The following KCNIP4 variants were observed in gnomAD, a reference collection of about 807,000 sequenced individuals.
KCNIP4 encodes the protein Kv channel-interacting protein 4.
A neutral mutation model predicts 34.0 loss-of-function variants in KCNIP4; 12 were observed. The ratio of observed to expected loss-of-function variants is 0.35; its 90% confidence interval spans 0.23 to 0.57. The LOEUF (loss-of-function observed/expected upper bound fraction) is 0.57. Among genes scored for constraint, KCNIP4 ranks in the 20% least tolerant of loss-of-function variants. The pLI is 0.83. For synonymous variants in KCNIP4, 124 were observed against 102.2 expected (o/e 1.21, Z -1.29); for missense variants, 238 against 311.7 (o/e 0.76, Z 1.78).
chr4:21,466,825 C>T (rs932619094), intron 1 of KCNIP4, among the ~76,000 whole-genome samples: 9 of 151,970 alleles, frequency 5.9e-5, no homozygotes, highest in African/African-American at 1.9e-4. Flanking sequence ...ACCCTACAAT[C>T]GCAGTACCCC....
At chr4:21,799,961 T>C (rs1178074847) in intron 1 of KCNIP4, among the ~76,000 whole-genome samples, 1 of 152,186 alleles carries the variant, frequency 6.6e-6, no homozygotes, top group African/African-American at 2.4e-5. Context: ...ACTGCAAAGT[T>C]TAAAATTTCT....
intron 1 of KCNIP4, among the ~76,000 whole-genome samples, chr4:21,713,050 C>G (rs529700860): frequency 7.0e-4 from 107 of 152,302 alleles, no homozygotes; most frequent in African/African-American, 2.3e-3. Context: ...GCTTTCCAGG[C>G]CAGCTCTTTC....
intron 1 of KCNIP4, among the ~76,000 whole-genome samples, chr4:21,087,753 ATC>A (rs1746597434): frequency 6.6e-6 from 1 of 152,116 alleles, no homozygotes; most frequent in Admixed American, 6.5e-5. Context: ...TATCATACAT[ATC>A]TGTCAGCAGC....
chr4:21,863,260 A>ATTTTTTTTTTTT (rs34972685), intron 1 of KCNIP4, among the ~76,000 whole-genome samples: 70 of 141,728 alleles, frequency 4.9e-4, no homozygotes, highest in East Asian at 3.0e-3. Flanking sequence ...CACGGATTGA[A>ATTTTTTTTTTTT]TTTTTTTTTT....
intron 1 of KCNIP4, among the ~76,000 whole-genome samples, chr4:21,930,513 C>T (rs1729505539): frequency 6.6e-6 from 1 of 152,084 alleles, no homozygotes; most frequent in Non-Finnish European, 1.5e-5. Flanking sequence ...CTGAAATAGT[C>T]TACTACCATC....
chr4:21,865,118 G>C (rs1725338245), intron 1 of KCNIP4, among the ~76,000 whole-genome samples: 1 of 151,614 alleles, frequency 6.6e-6, no homozygotes, highest in South Asian at 2.1e-4. Context: ...AAGAATTTAA[G>C]TCAAATTTTA....
chr4:20,999,417 T>G (rs1378091778), intron 1 of KCNIP4, among the ~76,000 whole-genome samples: 1 of 96,998 alleles, frequency 1.0e-5, no homozygotes, highest in Non-Finnish European at 2.0e-5. Context: ...TGGTGGTGTT[T>G]TTTTTTTTTG....
chr4:21,125,917 G>A (rs929605379), intron 1 of KCNIP4, among the ~76,000 whole-genome samples: 1 of 152,008 alleles, frequency 6.6e-6, no homozygotes. Context: ...TCCTGCTTGG[G>A]GTGGGAGGGA....
intron 1 of KCNIP4, among the ~76,000 whole-genome samples, chr4:21,407,581 T>G (rs895328410): frequency 6.6e-6 from 1 of 152,138 alleles, no homozygotes; most frequent in African/African-American, 2.4e-5. Context: ...ACACTCAGGG[T>G]GAGAGCAGCT....
At chr4:21,923,393 C>T (rs1215037037) in intron 1 of KCNIP4, among the ~76,000 whole-genome samples, 2 of 152,170 alleles carry the variant, frequency 1.3e-5, no homozygotes, top group African/African-American at 4.8e-5. Context: ...ACCAGCCTGG[C>T]CAACAGGGTA....
chr4:21,468,378 C>T (rs1453779559), intron 1 of KCNIP4, among the ~76,000 whole-genome samples: 3 of 152,128 alleles, frequency 2.0e-5, no homozygotes, highest in African/African-American at 7.2e-5. Context: ...GGTACTGCCT[C>T]GGTACCGGAG....
At chr4:20,940,078 A>T (rs756977838) in intron 1 of KCNIP4, among the ~76,000 whole-genome samples, 31 of 150,658 alleles carry the variant, frequency 2.1e-4, no homozygotes, top group Middle Eastern at 6.9e-3. Context: ...CAATCCATCA[A>T]CCATTTCGCA....
intron 1 of KCNIP4, among the ~76,000 whole-genome samples, chr4:21,882,536 A>G (rs1429468644): frequency 1.3e-5 from 2 of 152,154 alleles, no homozygotes; most frequent in Non-Finnish European, 2.9e-5. Context: ...GAATTTCTGG[A>G]GTTGGGACAC....
intron 1 of KCNIP4, among the ~76,000 whole-genome samples, chr4:21,044,104 T>C (rs573526045): frequency 2.0e-5 from 3 of 152,202 alleles, no homozygotes; most frequent in African/African-American, 7.2e-5. Flanking sequence ...TGCTGGACAA[T>C]CTGAAGAGAA....
At chr4:20,993,876 A>G (rs145072919) in intron 1 of KCNIP4, among the ~76,000 whole-genome samples, 1 of 152,248 alleles carries the variant, frequency 6.6e-6, no homozygotes, top group African/African-American at 2.4e-5. Context: ...CTATTGGAGG[A>G]TCTAGGAGGG....
At chr4:21,879,690 GT>G (rs1485874005) in intron 1 of KCNIP4, among the ~76,000 whole-genome samples, 1 of 152,012 alleles carries the variant, frequency 6.6e-6, no homozygotes, top group African/African-American at 2.4e-5. Context: ...TTATTTTCTT[GT>G]TTCGATAATT....
intron 1 of KCNIP4, among the ~76,000 whole-genome samples, chr4:21,468,195 T>G (rs1316491789): frequency 6.6e-6 from 1 of 151,762 alleles, no homozygotes; most frequent in African/African-American, 2.4e-5. Context: ...AAAACTAGGA[T>G]GAAGGAGAAT....
chr4:21,764,648 AC>A (rs2109176630), intron 1 of KCNIP4, among the ~76,000 whole-genome samples: 1 of 152,106 alleles, frequency 6.6e-6, no homozygotes, highest in African/African-American at 2.4e-5. Context: ...TTAATACTGG[AC>A]TTTTGCTCCA....
intron 1 of KCNIP4, among the ~76,000 whole-genome samples, chr4:21,206,872 A>G (rs1409095548): frequency 1.3e-5 from 2 of 152,206 alleles, no homozygotes; most frequent in African/African-American, 4.8e-5. Flanking sequence ...GGGCTATCCA[A>G]TTTGGAAATC....
Sources: allele counts gnomAD v4.1 joint callset (sites outside exome capture counted in the v4.1 genomes callset), GRCh38; gene constraint gnomAD v4.1.1; transcripts MANE v1.5; gene names NCBI Gene and HGNC (gene_info 2026-07-23, HGNC 2026-07-21).